SBF1: variants seen among roughly 807,000 people sequenced by gnomAD.
SBF1 encodes SET binding factor 1.
In SBF1, 65 loss-of-function variants were observed where a neutral mutation model predicts 215.8. The observed-to-expected ratio is 0.30, with a 90% CI of 0.25 to 0.37. The LOEUF is 0.37. SBF1 is among the 10% of genes least tolerant of loss of function. SBF1 has a pLI of 1.00. For synonymous variants in SBF1, 1,410 were observed against 1,122.8 expected (o/e 1.26, Z -5.11); for missense variants, 2,634 against 2,667.8 (o/e 0.99, Z 0.28).
rs987273448 is a variant in SBF1 at position 50,465,840 on chromosome 22, C to T, written c.1012G>A (p.Val338Ile). Residue 338 changes from valine (V) to isoleucine (I), a missense_variant and splice_region_variant, in exon 10 of 41, where the codon GTC becomes ATC. Coordinates refer to ENST00000380817, the MANE Select transcript of SBF1 (RefSeq NM_002972.4). ...QSQTHSVLSM[V>I]LDPELELADL... ...GCCAACTCCAGCTCCGGGTCCAGGA[C>T]CTGCCAGCACAGAATGGAGCAGGCA... is the stretch of plus-strand genomic sequence containing the variant. The T allele has an allele frequency of 5.6e-6, 9 of 1,612,972 alleles. No individual in the cohort carries two copies. In the Admixed American group the frequency reaches 8.3e-5, roughly 15 times the overall value.
At chr22:50,449,328 A>G (rs937777435) in intron 36 of SBF1, among the ~76,000 whole-genome samples, 1 of 151,900 alleles carries the variant, frequency 6.6e-6, no homozygotes, top group Non-Finnish European at 1.5e-5. Context: ...CAAGAGAGTG[A>G]TTTTAGGGCC....
At chr22:50,458,629 G>C (rs1038884500) in intron 28 of SBF1, among the ~76,000 whole-genome samples, 2 of 152,260 alleles carry the variant, frequency 1.3e-5, no homozygotes, top group African/African-American at 2.4e-5. Context: ...AGGTGGTCCG[G>C]ACACAGGAGT....
chr22:50,471,007 C>T (rs1244108364), intron 1 of SBF1, among the ~76,000 whole-genome samples: 1 of 152,150 alleles, frequency 6.6e-6, no homozygotes, highest in Non-Finnish European at 1.5e-5. Flanking sequence ...TTCCCAGGGT[C>T]CCCCACCCAC....
chr22:50,457,337 C>T (rs536550705), intron 28 of SBF1: 16 of 432,406 alleles, frequency 3.7e-5, no homozygotes, highest in Non-Finnish European at 6.1e-5. Flanking sequence ...AGCAGAAGGG[C>T]TATGCGGTGG....
At chr22:50,474,675 GC>G in intron 1 of SBF1, 110 bp downstream of exon 1, 5 of 662,730 alleles carry the variant, frequency 7.5e-6, no homozygotes, top group Middle Eastern at 5.9e-4. Context: ...TCCCGACCCA[GC>G]CCCCAGCCCT....
At chr22:50,464,275 G>A in intron 15 of SBF1, 54 bp downstream of exon 15, 1 of 1,400,564 alleles carries the variant, frequency 7.1e-7, no homozygotes, top group Non-Finnish European at 9.9e-7. Flanking sequence ...GTGCAGCCTG[G>A]GTCTCCTCTG....
intron 1 of SBF1, among the ~76,000 whole-genome samples, chr22:50,469,068 A>G (rs2067899777): frequency 6.6e-6 from 1 of 152,162 alleles, no homozygotes; most frequent in Non-Finnish European, 1.5e-5. Flanking sequence ...TCCCTGTTAG[A>G]ACACCAGCCC....
chr22:50,455,860 G>A, intron 31 of SBF1: 2 of 569,922 alleles, frequency 3.5e-6, no homozygotes, highest in Middle Eastern at 4.7e-4. Flanking sequence ...CTACCTTCAA[G>A]CCCTCCAGTG....
rs1432639443 is a variant in SBF1 at position 50,447,304 on chromosome 22, G to A, written c.5583+18C>T. 1 of 1,613,442 alleles carries A rather than the reference G, an allele frequency of 6.2e-7. No individual in the cohort carries two copies. Among genetic ancestry groups the A allele is most frequent in the Non-Finnish European group, 8.5e-7 (1 of 1,179,574 alleles). ...CCGCAGAGCCCCTCCCCTCTCCCAA[G>A]CCCCGGCCAAGGCTCACGTCAAAGA... On this transcript the variant is annotated intron_variant, in intron 40 of 40. Transcript: ENST00000380817.
In SBF1 at chr22:50,455,347, C is replaced by T. The variant is rs761167068; in HGVS notation, c.4431G>A (p.Leu1477=). 3 of 1,613,456 alleles carry T rather than the reference C, an allele frequency of 1.9e-6. No individual in the cohort carries two copies. The African/African-American group carries it at 4.0e-5, about 22-fold the overall frequency. Residue 1477 remains leucine, a synonymous_variant, in exon 33 of 41, where the codon CTG becomes CTA. Transcript: ENST00000380817. ...PFYRTLEGFR[L]LVEKEWLSFG... The stretch of plus-strand genomic sequence containing the variant: ...AGGACAGCCACTCCTTCTCCACCAG[C>T]AGGCGAAAGCCCTCCAGCGTGCGGT...
chr22:50,459,472 G>A lies in SBF1; in HGVS notation c.3686C>T (p.Pro1229Leu). ...ACAGGGCAGGACGCAGGAGGTACCT[G>A]GAGAAGGTGCGTTCTGGGCCTTGAA... The part of the protein sequence containing the change: ...GLFKAQNAPS[P>L]GQSQADSSSL... Residue 1229 changes from proline to leucine, a missense_variant and splice_region_variant, in exon 27 of 41, where the codon CCA (proline) becomes CTA (leucine). Coordinates refer to ENST00000380817, the MANE Select transcript of SBF1 (RefSeq NM_002972.4). 6.2e-7 allele frequency: 1 copy of A among 1,610,792 alleles called. No individual in the cohort carries two copies. The highest frequency in any genetic ancestry group is 8.5e-7 in the Non-Finnish European group (1 of 1,179,740).
At position 50,460,681 on chromosome 22, in the gene SBF1, C is replaced by T. The variant is rs757426688; in HGVS notation, c.2999G>A (p.Gly1000Glu). Reference protein sequence around the residue: ...LLKMAFDEEVGSDSAELFRKQ... With the variant: ...LLKMAFDEEVESDSAELFRKQ... ...ACGGAAGAGCTCGGCGCTGTCAGACCCCACCTCCTCGTCAAAGGCCATTTT... is the reference window on the plus strand; with the variant it reads ...ACGGAAGAGCTCGGCGCTGTCAGACTCCACCTCCTCGTCAAAGGCCATTTT... Residue 1000 changes from glycine to glutamate, a missense_variant, in exon 24 of 41, where the codon GGG (glycine) becomes GAG (glutamate). Physicochemically the swap from Gly to Glu is moderately conservative, Grantham distance 98. Coordinates refer to ENST00000380817, the MANE Select transcript of SBF1 (RefSeq NM_002972.4). 5 of 1,613,692 alleles carry T rather than the reference C, an allele frequency of 3.1e-6. No individual in the cohort carries two copies. The highest frequency in any genetic ancestry group is 1.7e-5 in the Admixed American group (1 of 60,016).
In SBF1 at chr22:50,465,138, C is replaced by T. The variant is rs1569513464; in HGVS notation, c.1204-9G>A. ...TGGCCCAGGAAGGCTGCCTGGATGA[C>T]AGAAGGAGGTCGGTCCCTCAGGGGT... On this transcript the variant is annotated splice_polypyrimidine_tract_variant and intron_variant, in intron 11 of 40. Coordinates refer to ENST00000380817, the MANE Select transcript of SBF1 (RefSeq NM_002972.4). 1 of 1,614,024 alleles carries T rather than the reference C, an allele frequency of 6.2e-7. No homozygotes were observed. The highest frequency in any genetic ancestry group is 8.5e-7 in the Non-Finnish European group (1 of 1,179,988).
At chr22:50,458,932 T>C (rs1438747325) in intron 28 of SBF1, among the ~76,000 whole-genome samples, 1 of 152,002 alleles carries the variant, frequency 6.6e-6, no homozygotes, top group African/African-American at 2.4e-5. Context: ...TTCCAGGCTG[T>C]GGGAAATGGT....
rs759770042 is a variant in SBF1 at position 50,462,458 on chromosome 22, G to A, written c.2143C>T (p.Pro715Ser). The A allele has an allele frequency of 1.9e-6, 3 of 1,613,566 alleles. No individual in the cohort carries two copies. Among genetic ancestry groups the A allele is most frequent in the African/African-American group, 2.7e-5 (2 of 74,916 alleles). The change falls in exon 19 of 41, where the codon CCT becomes TCT. Residue 715 changes from proline to serine, a missense_variant. Physicochemically the swap from Pro to Ser is moderately conservative, Grantham distance 74. Transcript: ENST00000380817. ...GCAGAGCGCTCGTCCTCCTGGGAAG[G>A]TGCCTCCCCAACCTCCTGCCACGGC... ...LAPAQEVGEA[P>S]SQEDERSALD...
chr22:50,456,308 G>C lies in SBF1; in HGVS notation c.4174C>G (p.Leu1392Val). The C allele has an allele frequency of 6.2e-7, 1 of 1,612,972 alleles. No individual in the cohort carries two copies. The highest frequency in any genetic ancestry group is 8.5e-7 in the Non-Finnish European group (1 of 1,179,992). ...ARQVKASFKK[L>V]LKACVPGCPA... ...CAGCCTGGGACACATGCTTTCAGCA[G>C]CTTCTTGAAGCTAGCCTTCACCTGC... is the stretch of plus-strand genomic sequence containing the variant. The change falls in exon 31 of 41, where the codon CTG becomes GTG. Residue 1392 changes from leucine to valine, a missense_variant. Coordinates refer to ENST00000380817, the MANE Select transcript of SBF1 (RefSeq NM_002972.4).
chr22:50,454,761 T>C lies in SBF1; in HGVS notation c.4813-19A>G, dbSNP rs769041510. The C allele has an allele frequency of 6.3e-7, 1 of 1,592,208 alleles. No homozygotes were observed. The highest frequency in any genetic ancestry group is 1.8e-5 in the Admixed American group (1 of 54,812). On this transcript the variant is annotated intron_variant, in intron 35 of 40. Coordinates refer to ENST00000380817, the MANE Select transcript of SBF1 (RefSeq NM_002972.4). ...GCAGGACCTGAGGGTGGGCCTGTGGTTGAGGACCTGGGTCGGGCAGGAGCC... is the reference window on the plus strand; with the variant it reads ...GCAGGACCTGAGGGTGGGCCTGTGGCTGAGGACCTGGGTCGGGCAGGAGCC...
chr22:50,454,404 T>G, intron 36 of SBF1, 108 bp downstream of exon 36: 1 of 975,004 alleles, frequency 1.0e-6, no homozygotes, highest in South Asian at 1.4e-5. Context: ...CCCCCAGGGG[T>G]AACCGGACTT....
rs748154275 is a variant in SBF1 at position 50,466,177 on chromosome 22, C to T, written c.870G>A (p.Ala290=). Residue 290 remains alanine (A), a synonymous_variant, in exon 8 of 41, where the codon GCG becomes GCA. Transcript: ENST00000380817. The stretch of plus-strand genomic sequence containing the variant: ...GCTCCTGGGTCTCTGCCTGGAAGGC[C>T]GCGTTGACCCCAATGATGAAGGGCG... ...TPTPFIIGVN[A]AFQAETQELL... is the part of the protein sequence containing the mutation. 6.2e-6 allele frequency: 10 copies of T among 1,613,526 alleles called. No individual in the cohort carries two copies. In the Admixed American group the frequency reaches 1.0e-4, roughly 16 times the overall value.
Sources: allele counts gnomAD v4.1 joint callset (sites outside exome capture counted in the v4.1 genomes callset), GRCh38; gene constraint gnomAD v4.1.1; transcripts MANE v1.5; gene names NCBI Gene and HGNC (gene_info 2026-07-23, HGNC 2026-07-21).